The following CCM2 variants were observed in gnomAD, a reference collection of about 807,000 sequenced individuals.
CCM2 encodes CCM2 scaffold protein, also known as cerebral cavernous malformations 2 protein.
CCM2 carries 25 observed loss-of-function variants against 44.9 expected under a neutral mutation model. That is an observed-to-expected ratio of 0.56 (90% CI 0.41 to 0.78). The LOEUF is 0.78. Ranked by LOEUF, CCM2 falls within the 30% of genes least tolerant of loss-of-function variation. CCM2 has a pLI of 0.00. For synonymous variants in CCM2, 219 were observed against 241.1 expected, an observed-to-expected ratio of 0.91 and a Z score of 0.85; for missense variants, 481 against 580.6, an observed-to-expected ratio of 0.83 and a Z score of 1.76.
In CCM2 at chr7:45,074,267, C is replaced by T. The variant is rs373072247; in HGVS notation, c.916-3C>T. The T allele has an allele frequency of 5.7e-5, 92 of 1,613,532 alleles. No homozygotes were observed. The African/African-American group carries it at 9.9e-4, about 17-fold the overall frequency. ...CCCCCTATCTGGCTCTGCTCTCTTG[C>T]AGCTGCGCACCAAGCTGTCATCACA... On this transcript the variant is annotated splice_polypyrimidine_tract_variant and splice_region_variant and intron_variant, in intron 8 of 9. Transcript: ENST00000258781.
chr7:45,075,647 G>A (rs1562920910), intron 9 of CCM2, 130 bp from the exon 10 acceptor site: 2 of 1,094,036 alleles, frequency 1.8e-6, no homozygotes, highest in East Asian at 2.4e-5. Context: ...CAGTGAGCAT[G>A]GCATCAGGGT....
At position 45,075,834 on chromosome 7, in the gene CCM2, C is replaced by A; in HGVS notation, c.1112C>A (p.Thr371Asn). The A allele has an allele frequency of 6.2e-7, 1 of 1,613,748 alleles. No individual in the cohort carries two copies. Among genetic ancestry groups the A allele is most frequent in the African/African-American group, 1.3e-5 (1 of 75,026 alleles). ...DSQHFENFLE[T>N]IGVKDGRGII... ...CAGCACTTCGAGAACTTCCTGGAGA[C>A]CATTGGCGTGAAGGATGGCCGCGGC... Residue 371 changes from threonine (T) to asparagine (N), a missense_variant, in exon 10 of 10, where the codon ACC becomes AAC. Transcript: ENST00000258781.
chr7:45,015,611 C>T (rs755634145), intron 1 of CCM2, among the ~76,000 whole-genome samples: 5 of 152,186 alleles, frequency 3.3e-5, no homozygotes, highest in Admixed American at 6.5e-5. Flanking sequence ...CCCTGGGTAT[C>T]TCAGTTTTCC....
At chr7:45,043,485 T>C (rs1797608644) in intron 2 of CCM2, among the ~76,000 whole-genome samples, 1 of 152,108 alleles carries the variant, frequency 6.6e-6, no homozygotes, top group Admixed American at 6.6e-5. Flanking sequence ...GTGGAGTTTG[T>C]TCTGAGGATG....
intron 2 of CCM2, among the ~76,000 whole-genome samples, chr7:45,042,051 G>T (rs1039171247): frequency 6.6e-6 from 1 of 152,196 alleles, no homozygotes; most frequent in African/African-American, 2.4e-5. Flanking sequence ...TGAGGCGGAC[G>T]GATCACGAGG....
At chr7:45,003,315 A>T (rs768006869) in intron 1 of CCM2, among the ~76,000 whole-genome samples, 8 of 151,678 alleles carry the variant, frequency 5.3e-5, no homozygotes, top group Non-Finnish European at 1.2e-4. Context: ...ATCTCAGGTG[A>T]TCCACCCACC....
At chr7:45,058,175 T>C (rs1318233743) in intron 2 of CCM2, among the ~76,000 whole-genome samples, 1 of 152,246 alleles carries the variant, frequency 6.6e-6, no homozygotes, top group African/African-American at 2.4e-5. Flanking sequence ...TTTATACTTT[T>C]TGTTTCCTTC....
At chr7:45,051,547 G>A (rs933256520) in intron 2 of CCM2, among the ~76,000 whole-genome samples, 32 of 151,458 alleles carry the variant, frequency 2.1e-4, no homozygotes, top group African/African-American at 7.0e-4. Flanking sequence ...ACAGGCGCCC[G>A]TCACCACGCC....
intron 2 of CCM2, among the ~76,000 whole-genome samples, chr7:45,044,862 A>G (rs1348392698): frequency 1.3e-5 from 2 of 152,100 alleles, no homozygotes; most frequent in African/African-American, 4.8e-5. Context: ...ATACCCTATA[A>G]TATGATTTTT....
At chr7:45,004,178 A>G (rs1181528318) in intron 1 of CCM2, among the ~76,000 whole-genome samples, 3 of 152,142 alleles carry the variant, frequency 2.0e-5, no homozygotes, top group Non-Finnish European at 4.4e-5. Flanking sequence ...CAAGAAGAAA[A>G]AGAGAAAAAA....
chr7:45,046,673 G>A (rs1270534073), intron 2 of CCM2, among the ~76,000 whole-genome samples: 2 of 152,154 alleles, frequency 1.3e-5, no homozygotes, highest in East Asian at 3.8e-4. Context: ...AGGATGCAGG[G>A]CTACGCAGAG....
At chr7:45,049,890 AT>A (rs1352875852) in intron 2 of CCM2, among the ~76,000 whole-genome samples, 3 of 152,252 alleles carry the variant, frequency 2.0e-5, no homozygotes, top group East Asian at 3.8e-4. Flanking sequence ...ACAATAAAAA[AT>A]AATACAAATT....
At chr7:45,074,062 C>T (rs535733619) in intron 8 of CCM2, 69 of 1,031,802 alleles carry the variant, frequency 6.7e-5, no homozygotes, top group South Asian at 3.7e-4. Flanking sequence ...TGGAGCTGCC[C>T]GGGTGCCTTG....
intron 1 of CCM2, chr7:45,029,338 T>A (rs1028904692): frequency 2.6e-5 from 4 of 152,218 alleles, no homozygotes; most frequent in Non-Finnish European, 5.9e-5. Context: ...AGTTTATTCA[T>A]AAGGGTTAAA....
intron 1 of CCM2, among the ~76,000 whole-genome samples, chr7:45,025,166 A>G (rs1276889588): frequency 1.3e-5 from 2 of 152,236 alleles, no homozygotes; most frequent in African/African-American, 4.8e-5. Context: ...AGGTACTTAT[A>G]TAAGAGAGAA....
In CCM2 at chr7:45,076,168, G is replaced by A. The variant is rs115618289; in HGVS notation, c.*111G>A. On this transcript the variant is annotated 3_prime_UTR_variant, in exon 10 of 10. Transcript: ENST00000258781. ...CCCTTGGTGGTGGCCAGGGAGAGGC[G>A]CCCGGTGCAGATGGCCCCGGGCGGC... 2,476 of 1,502,804 alleles carry A rather than the reference G, an allele frequency of 1.6e-3. 35 individuals carry two copies. In the African/African-American group the frequency reaches 0.029, roughly 18 times the overall value. The allele number at this position is 1,502,804 out of a possible 1,614,324, so 93.1% of individuals were successfully genotyped here.
Position 45,069,759 on chromosome 7 carries a change from TG to T in CCM2, c.610-65del, listed in dbSNP as rs1470609362. The T allele has an allele frequency of 5.0e-6, 8 of 1,607,320 alleles. No individual in the cohort carries two copies. The African/African-American group carries it at 9.3e-5, about 19-fold the overall frequency. ...AGCATCTGGGCTGCCCCAGGTATCCTGGAAGCCGCCTGGGAAGGCGCAGTCT... is the reference window on the plus strand; with the variant it reads ...AGCATCTGGGCTGCCCCAGGTATCCTGAAGCCGCCTGGGAAGGCGCAGTCT... On this transcript the variant is annotated intron_variant, in intron 5 of 9. Transcript: ENST00000258781.
intron 1 of CCM2, among the ~76,000 whole-genome samples, chr7:45,012,535 A>G (rs181511318): frequency 7.8e-4 from 119 of 152,144 alleles, no homozygotes; most frequent in Non-Finnish European, 1.3e-3. Flanking sequence ...TAATATAGCT[A>G]CACCACATTC....
chr7:45,025,609 C>G (rs1796656459), intron 1 of CCM2, among the ~76,000 whole-genome samples: 1 of 151,876 alleles, frequency 6.6e-6, no homozygotes, highest in Non-Finnish European at 1.5e-5. Flanking sequence ...TCTCACCTCA[C>G]CGCAACCTCC....
Sources: allele counts gnomAD v4.1 joint callset (sites outside exome capture counted in the v4.1 genomes callset), GRCh38; gene constraint gnomAD v4.1.1; transcripts MANE v1.5; gene names NCBI Gene and HGNC (gene_info 2026-07-23, HGNC 2026-07-21).